The following PPP3CA variants were observed in gnomAD, a reference collection of about 807,000 sequenced individuals.
The protein encoded by PPP3CA is protein phosphatase 3 catalytic subunit alpha.
PPP3CA carries 14 observed loss-of-function variants against 66.5 expected under a neutral mutation model. That is an observed-to-expected ratio of 0.21 (90% CI 0.14 to 0.33). The LOEUF (loss-of-function observed/expected upper bound fraction) is 0.33. Among genes scored for constraint, PPP3CA ranks in the 10% least tolerant of loss-of-function variants. PPP3CA has a pLI of 1.00. For synonymous variants in PPP3CA, 232 were observed against 226.2 expected (o/e 1.03, Z -0.23); for missense variants, 317 against 639.5 (o/e 0.50, Z 5.44).
intron 2 of PPP3CA, among the ~76,000 whole-genome samples, chr4:101,130,152 A>G (rs1722383556): frequency 6.6e-6 from 1 of 152,018 alleles, no homozygotes; most frequent in African/African-American, 2.4e-5. Context: ...AGGATATCAG[A>G]GATAGAAGAT....
intron 2 of PPP3CA, among the ~76,000 whole-genome samples, chr4:101,167,325 T>C (rs1303148907): frequency 6.6e-6 from 1 of 152,132 alleles, no homozygotes; most frequent in Admixed American, 6.6e-5. Flanking sequence ...GTTTTTTGAG[T>C]AAATCCCAGC....
At chr4:101,078,859 C>T (rs767716244) in intron 8 of PPP3CA, among the ~76,000 whole-genome samples, 2 of 152,176 alleles carry the variant, frequency 1.3e-5, no homozygotes, top group Admixed American at 6.5e-5. Context: ...TACTTAAAAG[C>T]ACGTGGCAAG....
At chr4:101,228,352 C>A (rs975740252) in intron 1 of PPP3CA, among the ~76,000 whole-genome samples, 1 of 151,378 alleles carries the variant, frequency 6.6e-6, no homozygotes, top group Non-Finnish European at 1.5e-5. Context: ...AGAATTAAAT[C>A]ACAATTCAAA....
intron 9 of PPP3CA, among the ~76,000 whole-genome samples, chr4:101,062,464 A>G (rs977591019): frequency 6.6e-6 from 1 of 151,870 alleles, no homozygotes; most frequent in Admixed American, 6.6e-5. Flanking sequence ...AGGAACATTT[A>G]TTTTTCTTAC....
intron 5 of PPP3CA, among the ~76,000 whole-genome samples, chr4:101,096,467 A>G (rs1175751061): frequency 6.6e-6 from 1 of 152,220 alleles, no homozygotes; most frequent in Non-Finnish European, 1.5e-5. Flanking sequence ...CTTAAACAAA[A>G]TAGTACAATA....
intron 1 of PPP3CA, among the ~76,000 whole-genome samples, chr4:101,307,740 A>G (rs1728592361): frequency 6.6e-6 from 1 of 152,204 alleles, no homozygotes; most frequent in Non-Finnish European, 1.5e-5. Flanking sequence ...CTTGGTGCCT[A>G]GTATGTGAAG....
chr4:101,100,508 G>A (rs1338387500), intron 3 of PPP3CA, among the ~76,000 whole-genome samples: 1 of 151,976 alleles, frequency 6.6e-6, no homozygotes, highest in Non-Finnish European at 1.5e-5. Flanking sequence ...TAAAAATGAT[G>A]GTCAATTATG....
intron 1 of PPP3CA, among the ~76,000 whole-genome samples, chr4:101,284,085 A>G (rs1727763741): frequency 6.6e-6 from 1 of 152,200 alleles, no homozygotes. Flanking sequence ...CTCATCACAG[A>G]AAGTTCTACT....
At chr4:101,203,619 A>T (rs777323315) in intron 1 of PPP3CA, among the ~76,000 whole-genome samples, 2 of 152,138 alleles carry the variant, frequency 1.3e-5, no homozygotes, top group Non-Finnish European at 2.9e-5. Context: ...TAGTTTTTAA[A>T]TGTTTATGTA....
At chr4:101,146,574 C>T (rs1722976320) in intron 2 of PPP3CA, among the ~76,000 whole-genome samples, 1 of 152,072 alleles carries the variant, frequency 6.6e-6, no homozygotes, top group African/African-American at 2.4e-5. Flanking sequence ...TCCCAAGTAG[C>T]TTGGACTACA....
intron 1 of PPP3CA, among the ~76,000 whole-genome samples, chr4:101,254,487 A>G (rs1726777960): frequency 6.6e-6 from 1 of 151,888 alleles, no homozygotes; most frequent in East Asian, 1.9e-4. Flanking sequence ...CACTTTTTTC[A>G]GGCTCTAAAA....
chr4:101,278,556 A>C (rs1420316200), intron 1 of PPP3CA, among the ~76,000 whole-genome samples: 4 of 152,214 alleles, frequency 2.6e-5, no homozygotes, highest in Non-Finnish European at 5.9e-5. Context: ...GACTGCGGAT[A>C]CCACAGAGGT....
At chr4:101,337,667 G>C (rs2110339294) in intron 1 of PPP3CA, among the ~76,000 whole-genome samples, 1 of 152,348 alleles carries the variant, frequency 6.6e-6, no homozygotes, top group South Asian at 2.1e-4. Context: ...GCCCATGTGA[G>C]AGACTGGAAA....
chr4:101,189,513 C>T (rs77824261), intron 2 of PPP3CA, among the ~76,000 whole-genome samples: 8,427 of 151,928 alleles, frequency 0.055, 312 homozygotes, highest in Non-Finnish European at 0.085. Context: ...AGTTGAACTG[C>T]TTGGGATTTA....
At chr4:101,242,422 C>G (rs907543467) in intron 1 of PPP3CA, among the ~76,000 whole-genome samples, 1 of 151,954 alleles carries the variant, frequency 6.6e-6, no homozygotes, top group African/African-American at 2.4e-5. Context: ...GTCAAATACA[C>G]AAGTCCTAAG....
intron 8 of PPP3CA, among the ~76,000 whole-genome samples, chr4:101,071,765 GCAAGAATTAC>G (rs1302578377): frequency 6.6e-6 from 1 of 152,130 alleles, no homozygotes; most frequent in Non-Finnish European, 1.5e-5. Context: ...TTTGTGAAAA[GCAAGAATTAC>G]CTCACACACT....
chr4:101,288,491 A>T (rs558864682), intron 1 of PPP3CA, among the ~76,000 whole-genome samples: 65 of 149,924 alleles, frequency 4.3e-4, no homozygotes, highest in African/African-American at 1.6e-3. Context: ...ACAAATTAAC[A>T]GATTATAATT....
intron 2 of PPP3CA, among the ~76,000 whole-genome samples, chr4:101,190,395 G>A (rs1438242405): frequency 6.6e-6 from 1 of 152,114 alleles, no homozygotes; most frequent in Non-Finnish European, 1.5e-5. Context: ...ACATAAAAGG[G>A]ATGTTAAAAG....
intron 2 of PPP3CA, among the ~76,000 whole-genome samples, chr4:101,167,702 G>A (rs1387823991): frequency 2.6e-5 from 4 of 152,206 alleles, no homozygotes; most frequent in South Asian, 2.1e-4. Context: ...GGTCAGAGAC[G>A]GTCTCCCTTA....
Sources: gnomAD v4.1 joint callset for allele counts (sites outside exome capture counted in the v4.1 genomes callset) on GRCh38, gnomAD v4.1.1 for gene constraint, MANE v1.5 for transcripts, NCBI Gene and HGNC (gene_info 2026-07-23, HGNC 2026-07-21) for gene names.